The following ABAT variants were observed in gnomAD, a reference collection of about 807,000 sequenced individuals.
ABAT encodes 4-aminobutyrate aminotransferase.
ABAT carries 45 observed loss-of-function variants against 64.6 expected under a neutral mutation model. The observed-to-expected ratio is 0.70, with a 90% CI of 0.55 to 0.89. The LOEUF is 0.89. Ranked by LOEUF, ABAT falls within the 40% of genes least tolerant of loss-of-function variation. The pLI is 0.00. For missense variants in ABAT, 633 were observed against 658.4 expected (o/e 0.96, Z 0.42); for synonymous variants, 297 against 250.5 (o/e 1.19, Z -1.75).
chr16:8,727,054 T>C (rs1250628370), intron 1 of ABAT, among the ~76,000 whole-genome samples: 1 of 152,234 alleles, frequency 6.6e-6, no homozygotes, highest in African/African-American at 2.4e-5. Flanking sequence ...TTTTTTTCTA[T>C]AGAGTTGTTT....
At chr16:8,757,682 G>A (rs2059686599) in intron 5 of ABAT, 75 bp from the exon 6 acceptor site, 2 of 1,438,428 alleles carry the variant, frequency 1.4e-6, no homozygotes, top group South Asian at 1.1e-5. Flanking sequence ...GGAAGGGAGA[G>A]GGAAGGAGAG....
chr16:8,781,494 C>T lies in ABAT; in HGVS notation c.*64C>T. 6.2e-7 allele frequency: 1 copy of T among 1,603,678 alleles called. No individual in the cohort carries two copies. The highest frequency in any genetic ancestry group is 8.5e-7 in the Non-Finnish European group (1 of 1,171,964). The stretch of plus-strand genomic sequence containing the variant: ...AACAGTTGTCAAATTGATTAGTTTG[C>T]CTAATTCATGTTTTCACTTAAAAGT... On this transcript the variant is annotated 3_prime_UTR_variant, in exon 16 of 16. Transcript: ENST00000268251. This position sits in a 1 kb window ranked among gnomAD's most constrained non-coding sequence, Gnocchi z 4.5.
rs915016507 is a variant in ABAT at position 8,678,131 on chromosome 16, A to T, written c.-42+3420A>T. Among the ~76,000 whole-genome samples the T allele has an allele frequency of 8.5e-5, 13 of 152,236 alleles. No homozygotes were observed. The South Asian group carries it at 2.3e-3, about 27-fold the overall frequency. On this transcript the variant is annotated intron_variant, in intron 1 of 15. Transcript: ENST00000268251. The stretch of plus-strand genomic sequence containing the variant: ...AGCTCCTCGTTTTGGTTTCTGTGTA[A>T]TGAGGAGAAGGAGATGTGTCTAGCT...
At chr16:8,700,572 C>G (rs2057799538) in intron 1 of ABAT, among the ~76,000 whole-genome samples, 1 of 152,108 alleles carries the variant, frequency 6.6e-6, no homozygotes, top group African/African-American at 2.4e-5. Flanking sequence ...AGGCGTCTCC[C>G]TCTGCACTGT....
At chr16:8,701,030 C>T (rs1209478749) in intron 1 of ABAT, among the ~76,000 whole-genome samples, 2 of 151,996 alleles carry the variant, frequency 1.3e-5, no homozygotes, top group Admixed American at 6.6e-5. Context: ...CTCTGCTACC[C>T]GGATTCAAGC....
At chr16:8,779,875 G>T (rs2060382492) in intron 15 of ABAT, among the ~76,000 whole-genome samples, 1 of 152,226 alleles carries the variant, frequency 6.6e-6, no homozygotes, top group Non-Finnish European at 1.5e-5. Context: ...CCTTCAGGAA[G>T]CATGCAGTGT....
At chr16:8,735,834 A>G in intron 2 of ABAT, 25 bp downstream of exon 2, 2 of 1,572,550 alleles carry the variant, frequency 1.3e-6, no homozygotes, top group Non-Finnish European at 1.7e-6. Context: ...TCTTGATAAG[A>G]ACTGGTACTA....
At chr16:8,757,563 C>G (rs951636102) in intron 5 of ABAT, among the ~76,000 whole-genome samples, 194 bp from the exon 6 acceptor site, 9 of 152,134 alleles carry the variant, frequency 5.9e-5, no homozygotes, top group Admixed American at 6.5e-5. Context: ...CTAGGCTGCC[C>G]CTTGAGAGAT....
In ABAT at chr16:8,674,654, A is replaced by C. The variant is rs1455334508; in HGVS notation, c.-99A>C. The C allele has an allele frequency of 6.6e-6, 1 of 152,358 alleles. No homozygotes were observed. The highest frequency in any genetic ancestry group is 1.9e-4 in the East Asian group (1 of 5,168). 9.4% of individuals were successfully genotyped at this position (152,358 alleles called of 1,614,324 possible). ...AGCGCTGCCGGAACTCGGGGCGCGC[A>C]TCCCGCAAGTCGGAACCCGGCGGAT... On this transcript the variant is annotated 5_prime_UTR_variant, in exon 1 of 16. Transcript: ENST00000268251.
intron 1 of ABAT, among the ~76,000 whole-genome samples, chr16:8,679,862 A>AG (rs2057292275): frequency 6.6e-6 from 1 of 152,072 alleles, no homozygotes; most frequent in African/African-American, 2.4e-5. Context: ...GAGCATTCTG[A>AG]GGGGGTCTGT....
chr16:8,747,970 G>C, intron 3 of ABAT, 138 bp from the exon 4 acceptor site: 1 of 752,466 alleles, frequency 1.3e-6, no homozygotes, highest in Non-Finnish European at 2.2e-6. Context: ...TAATTTTAAA[G>C]TAATATGGTT....
intron 1 of ABAT, among the ~76,000 whole-genome samples, chr16:8,682,334 T>C (rs1273656173): frequency 6.6e-6 from 1 of 152,134 alleles, no homozygotes; most frequent in Non-Finnish European, 1.5e-5. Context: ...GATTGATGGA[T>C]ACATGTGTGA....
chr16:8,777,129 G>A (rs773644433), intron 14 of ABAT, among the ~76,000 whole-genome samples: 30 of 152,030 alleles, frequency 2.0e-4, no homozygotes, highest in African/African-American at 2.4e-4. Flanking sequence ...TCGAACCCCC[G>A]ACCTCAGGTG....
At chr16:8,733,508 C>T (rs1341975343) in intron 1 of ABAT, among the ~76,000 whole-genome samples, 3 of 151,880 alleles carry the variant, frequency 2.0e-5, no homozygotes, top group East Asian at 1.9e-4. Context: ...TGTAGCAAGC[C>T]GAGATCACGC....
intron 5 of ABAT, among the ~76,000 whole-genome samples, chr16:8,753,916 A>G (rs1366921069): frequency 6.6e-6 from 1 of 152,090 alleles, no homozygotes; most frequent in Non-Finnish European, 1.5e-5. Context: ...CCAGGTCTTT[A>G]ATACCTGTCT....
At chr16:8,775,085 A>C (rs865774018) in intron 13 of ABAT, 28 bp downstream of exon 13, 1 of 1,613,700 alleles carries the variant, frequency 6.2e-7, no homozygotes, top group African/African-American at 1.3e-5. Context: ...TTCTCTCTAC[A>C]TCCAGGGCAG....
intron 1 of ABAT, among the ~76,000 whole-genome samples, chr16:8,679,765 C>T (rs986472320): frequency 1.1e-4 from 17 of 152,074 alleles, no homozygotes; most frequent in African/African-American, 3.9e-4. Flanking sequence ...GCTTAGCAGG[C>T]TGAATCAGTT....
chr16:8,766,279 A>C lies in ABAT; in HGVS notation c.603+9A>C. On this transcript the variant is annotated intron_variant, in intron 9 of 15. Coordinates refer to ENST00000268251, the MANE Select transcript of ABAT (RefSeq NM_020686.6). ...CGTGCATGATTAACCAGGTGAGTGC[A>C]GCTGGGCTTGCACCACGTACATCTG... 1 of 1,613,658 alleles carries C rather than the reference A, an allele frequency of 6.2e-7. No homozygotes were observed. Among genetic ancestry groups the C allele is most frequent in the Non-Finnish European group, 8.5e-7 (1 of 1,179,692 alleles).
chr16:8,768,797 G>A (rs776138638), intron 10 of ABAT, 28 bp from the exon 11 acceptor site: 24 of 1,613,776 alleles, frequency 1.5e-5, no homozygotes, highest in Non-Finnish European at 1.9e-5. Context: ...CAAGCCAAGC[G>A]TCTGCTTTTC....
Sources: allele counts gnomAD v4.1 joint callset (sites outside exome capture counted in the v4.1 genomes callset), GRCh38; gene constraint gnomAD v4.1.1; non-coding constraint Gnocchi (gnomAD v3.1); transcripts MANE v1.5; gene names NCBI Gene and HGNC (gene_info 2026-07-23, HGNC 2026-07-21).